Variants in ESYT2 observed in about 807,000 individuals in gnomAD.
ESYT2 encodes the protein extended synaptotagmin 2, also known as extended synaptotagmin-2.
ESYT2 carries 54 observed loss-of-function variants against 107.2 expected under a neutral mutation model. The ratio of observed to expected loss-of-function variants is 0.50; its 90% CI spans 0.40 to 0.63. ESYT2 has a LOEUF of 0.63. Among genes scored for constraint, ESYT2 ranks in the 30% least tolerant of loss-of-function variants. The pLI is 0.00. For missense variants in ESYT2, 1,020 were observed against 1,094.5 expected, an observed-to-expected ratio of 0.93 and a Z score of 0.96; for synonymous variants, 491 against 434.1, an observed-to-expected ratio of 1.13 and a Z score of -1.63.
chr7:158,788,434 C>T lies in ESYT2; in HGVS notation c.585-17G>A. ...CCTACAAAACTAACAAAAAATTCTG[C>T]ATTACATGATGTAAGTGAAATGAAC... is the stretch of plus-strand genomic sequence containing the variant. On this transcript the variant is annotated splice_polypyrimidine_tract_variant and intron_variant, in intron 4 of 22. Transcript: ENST00000275418. 6.3e-7 allele frequency: 1 copy of T among 1,593,642 alleles called. No individual in the cohort carries two copies. Among genetic ancestry groups the T allele is most frequent in the African/African-American group, 1.3e-5 (1 of 74,324 alleles).
At chr7:158,791,399 T>C (rs754107596) in intron 4 of ESYT2, among the ~76,000 whole-genome samples, 26 of 152,214 alleles carry the variant, frequency 1.7e-4, no homozygotes, top group Non-Finnish European at 3.5e-4. Context: ...GGTGTGCAAA[T>C]ATCTGCTCAA....
At chr7:158,824,336 C>A (rs1840374990) in intron 1 of ESYT2, among the ~76,000 whole-genome samples, 1 of 152,220 alleles carries the variant, frequency 6.6e-6, no homozygotes, top group Non-Finnish European at 1.5e-5. Context: ...TAAATTGTGG[C>A]TCCTGAATTA....
intron 1 of ESYT2, among the ~76,000 whole-genome samples, chr7:158,825,814 C>T (rs1211587365): frequency 6.6e-6 from 1 of 152,144 alleles, no homozygotes; most frequent in African/African-American, 2.4e-5. Context: ...TGTACAGATA[C>T]ATCTTGTTCA....
intron 14 of ESYT2, among the ~76,000 whole-genome samples, chr7:158,749,966 T>G (rs1247281384): frequency 1.3e-5 from 2 of 152,234 alleles, no homozygotes; most frequent in Admixed American, 6.5e-5. Context: ...AGCCAACTAC[T>G]TTGGAAAACT....
chr7:158,790,538 T>TG (rs1181348531), intron 4 of ESYT2, among the ~76,000 whole-genome samples: 1 of 152,166 alleles, frequency 6.6e-6, no homozygotes. Flanking sequence ...ATGGGGGGTG[T>TG]GGGGGGAAGG....
intron 4 of ESYT2, 135 bp from the exon 5 acceptor site, chr7:158,788,552 A>C (rs1165905045): frequency 1.1e-5 from 8 of 703,176 alleles, no homozygotes; most frequent in Non-Finnish European, 1.9e-5. Flanking sequence ...AAACCCTAAA[A>C]TGTGGCCCAT....
At chr7:158,772,702 C>T (rs1838414890) in intron 7 of ESYT2, among the ~76,000 whole-genome samples, 1 of 152,094 alleles carries the variant, frequency 6.6e-6, no homozygotes, top group Non-Finnish European at 1.5e-5. Flanking sequence ...ATGCACCCTC[C>T]AGGGCCTCAG....
At chr7:158,737,400 T>C (rs1837002078) in intron 19 of ESYT2, among the ~76,000 whole-genome samples, 2 of 152,186 alleles carry the variant, frequency 1.3e-5, no homozygotes, top group South Asian at 4.2e-4. Context: ...GACTTCGGCC[T>C]TCATTTCTCA....
chr7:158,734,894 C>T (rs1836868546), intron 21 of ESYT2, among the ~76,000 whole-genome samples: 1 of 152,242 alleles, frequency 6.6e-6, no homozygotes, highest in African/African-American at 2.4e-5. Context: ...TATGGACTCT[C>T]CCTTTTCTGA....
At chr7:158,782,508 C>A (rs1437641360) in intron 6 of ESYT2, among the ~76,000 whole-genome samples, 1 of 125,180 alleles carries the variant, frequency 8.0e-6, no homozygotes, top group Non-Finnish European at 1.7e-5. Context: ...CAAGTGAGAA[C>A]AAGTGTGAGT....
intron 7 of ESYT2, among the ~76,000 whole-genome samples, chr7:158,770,498 C>T (rs1215837231): frequency 4.0e-5 from 6 of 150,600 alleles, no homozygotes; most frequent in Non-Finnish European, 8.9e-5. Flanking sequence ...CATAATTATA[C>T]ATATACGATT....
intron 9 of ESYT2, among the ~76,000 whole-genome samples, chr7:158,763,561 T>A (rs1838051946): frequency 6.6e-6 from 1 of 152,104 alleles, no homozygotes; most frequent in African/African-American, 2.4e-5. Flanking sequence ...TCCCAAAGCG[T>A]TGGGATTACC....
chr7:158,814,335 ATATATATATATG>A (rs1356827228), intron 1 of ESYT2, among the ~76,000 whole-genome samples: 1,065 of 6,488 alleles, frequency 0.16, 106 homozygotes, highest in Non-Finnish European at 0.25. Flanking sequence ...ATATATATAT[ATATATATATATG>A]AAATAATATA....
chr7:158,806,477 TAGG>T (rs1475371881), intron 1 of ESYT2, among the ~76,000 whole-genome samples: 1 of 152,204 alleles, frequency 6.6e-6, no homozygotes, highest in Admixed American at 6.5e-5. Flanking sequence ...CGTGAAATAT[TAGG>T]AGAATTTAAA....
At chr7:158,756,697 T>C (rs1319921496) in intron 13 of ESYT2, among the ~76,000 whole-genome samples, 1 of 151,882 alleles carries the variant, frequency 6.6e-6, no homozygotes, top group East Asian at 1.9e-4. Flanking sequence ...CTGCCTGAGA[T>C]CAGGAGTTGG....
chr7:158,772,257 G>A (rs551198521), intron 7 of ESYT2, among the ~76,000 whole-genome samples: 2 of 152,212 alleles, frequency 1.3e-5, no homozygotes, highest in Admixed American at 1.3e-4. Flanking sequence ...ATCTTTTAAA[G>A]ATCACAGCAT....
intron 1 of ESYT2, among the ~76,000 whole-genome samples, chr7:158,811,067 G>A (rs1486239833): frequency 6.9e-6 from 1 of 144,710 alleles, no homozygotes; most frequent in African/African-American, 2.6e-5. Flanking sequence ...CGCCAAGGTG[G>A]GAGGATCACT....
At chr7:158,806,700 G>A (rs1839841881) in intron 1 of ESYT2, among the ~76,000 whole-genome samples, 1 of 152,152 alleles carries the variant, frequency 6.6e-6, no homozygotes, top group Non-Finnish European at 1.5e-5. Context: ...CTAAAAGAAA[G>A]GTCACACAAT....
intron 20 of ESYT2, 32 bp downstream of exon 20, chr7:158,737,016 C>A: frequency 1.9e-6 from 3 of 1,609,648 alleles, no homozygotes; most frequent in Non-Finnish European, 2.5e-6. Context: ...TTCAACCGGG[C>A]AGTCTATCCT....
Sources: gnomAD v4.1 joint callset for allele counts (sites outside exome capture counted in the v4.1 genomes callset) on GRCh38, gnomAD v4.1.1 for gene constraint, MANE v1.5 for transcripts, NCBI Gene and HGNC (gene_info 2026-07-23, HGNC 2026-07-21) for gene names.